Variants in CMSS1 observed in about 807,000 individuals in gnomAD.
CMSS1 encodes cms1 ribosomal small subunit homolog.
Under a neutral mutation model 43.5 loss-of-function variants are expected in CMSS1, and 33 were observed. The observed-to-expected ratio is 0.76, with a 90% CI of 0.57 to 1.01. The LOEUF (loss-of-function observed/expected upper bound fraction) is 1.01. Among genes scored for constraint, CMSS1 ranks in the 50% least tolerant of loss-of-function variants. CMSS1 has a pLI of 0.00. For missense variants in CMSS1, 313 were observed against 326.4 expected (o/e 0.96, Z 0.32); for synonymous variants, 115 against 117.2 (o/e 0.98, Z 0.12).
In CMSS1 at chr3:100,140,653, G is replaced by A. The variant is rs1221815609; in HGVS notation, c.65-6320G>A. 7.9e-5 allele frequency among the ~76,000 whole-genome samples: 12 copies of A among 152,146 alleles called. No homozygotes were observed. In the East Asian group the frequency reaches 2.1e-3, roughly 27 times the overall value. On this transcript the variant is annotated intron_variant, in intron 1 of 9. Transcript: ENST00000421999. ...AGGCGTGAGCTACAACCCCTAGCCT[G>A]TTGTTCTTAACTGTGAGAACTAATA...
rs150649329 is a variant in CMSS1, at chr3:99,949,804, A to G, written c.64+131761A>G. On this transcript the variant is annotated intron_variant, in intron 1 of 9. Coordinates refer to ENST00000421999, the MANE Select transcript of CMSS1 (RefSeq NM_032359.4). ...CTTCTAAGTTCTGAGAATCAGAATG[A>G]GACTTACATGTAGAAATAATTCTTT... Among the ~76,000 whole-genome samples, 1,101 of 152,334 alleles carry G rather than the reference A, an allele frequency of 7.2e-3. 18 individuals are homozygous for G. Among genetic ancestry groups the G allele is most frequent in the African/African-American group, 0.024 (1,014 of 41,564 alleles).
chr3:99,845,675 G>C (rs1220575331), intron 1 of CMSS1, among the ~76,000 whole-genome samples: 2 of 151,968 alleles, frequency 1.3e-5, no homozygotes, highest in African/African-American at 2.4e-5. Flanking sequence ...AAAATTAAAG[G>C]CCAGAAATCT....
chr3:99,868,714 G>C (rs1259658410), intron 1 of CMSS1, among the ~76,000 whole-genome samples: 1 of 152,088 alleles, frequency 6.6e-6, no homozygotes, highest in Non-Finnish European at 1.5e-5. Context: ...TTTCATAATA[G>C]ACTTCTGAAG....
At chr3:99,969,326 T>G (rs1451248139) in intron 1 of CMSS1, among the ~76,000 whole-genome samples, 1 of 152,156 alleles carries the variant, frequency 6.6e-6, no homozygotes, top group Non-Finnish European at 1.5e-5. Flanking sequence ...ATATGACAGT[T>G]TGGTAACATT....
chr3:100,162,492 TTAGG>T (rs1392276311), intron 4 of CMSS1, 60 bp downstream of exon 4: 1 of 1,555,604 alleles, frequency 6.4e-7, no homozygotes, highest in Non-Finnish European at 8.7e-7. Context: ...TCTGTTATGG[TTAGG>T]TGTCTCAGGC....
chr3:100,155,373 C>G (rs2066962496), intron 2 of CMSS1, among the ~76,000 whole-genome samples: 1 of 152,188 alleles, frequency 6.6e-6, no homozygotes, highest in South Asian at 2.1e-4. Flanking sequence ...ATTTGCCTGG[C>G]TTACTCTGTT....
chr3:99,872,269 C>CTCTGTGTGTGTGTGTG (rs1457646701), intron 1 of CMSS1, among the ~76,000 whole-genome samples: 1 of 110,740 alleles, frequency 9.0e-6, no homozygotes, highest in Non-Finnish European at 1.9e-5. Flanking sequence ...TGTGCCAGGA[C>CTCTGTGTGTGTGTGTG]TGTGTGTGTG....
chr3:100,175,025 CTATAT>C (rs1223694888), intron 8 of CMSS1, among the ~76,000 whole-genome samples: 1 of 152,132 alleles, frequency 6.6e-6, no homozygotes, highest in Non-Finnish European at 1.5e-5. Context: ...TTTTCACTTG[CTATAT>C]CTCATGAGGA....
chr3:100,171,948 T>G (rs370887143), intron 7 of CMSS1, 49 bp downstream of exon 7: 2 of 1,409,310 alleles, frequency 1.4e-6, no homozygotes, highest in African/African-American at 1.4e-5. Flanking sequence ...AGACCTCAGC[T>G]TTTTTCCTTT....
Position 100,115,560 on chromosome 3 carries a change from T to G in CMSS1, c.65-31413T>G, listed in dbSNP as rs192653762. Among the ~76,000 whole-genome samples, 683 of 125,502 alleles carry G rather than the reference T, an allele frequency of 5.4e-3. 5 individuals are homozygous for G. Among genetic ancestry groups the G allele is most frequent in the African/African-American group, 0.022 (669 of 30,448 alleles). 82.3% of individuals were successfully genotyped at this position (125,502 alleles called of 152,430 possible). ...TGTATTCTCCCTCTCTTTCTCTTTC[T>G]CTCTCTCTCTCTCTGTCTCTCTCTC... On this transcript the variant is annotated intron_variant, in intron 1 of 9. Transcript: ENST00000421999.
chr3:100,050,295 T>C (rs1559739547), intron 1 of CMSS1, among the ~76,000 whole-genome samples: 3 of 152,210 alleles, frequency 2.0e-5, no homozygotes, highest in Non-Finnish European at 4.4e-5. Flanking sequence ...TGCCCTCTAA[T>C]GAGTCAGGAA....
At chr3:100,033,237 C>CCAGGTT (rs1559733145) in intron 1 of CMSS1, among the ~76,000 whole-genome samples, 8 of 152,130 alleles carry the variant, frequency 5.3e-5, no homozygotes, top group Admixed American at 2.0e-4. Context: ...GTTTATGTGT[C>CCAGGTT]CATTGACTGC....
chr3:100,104,486 CTG>C (rs2107463732), intron 1 of CMSS1, among the ~76,000 whole-genome samples: 1 of 152,224 alleles, frequency 6.6e-6, no homozygotes, highest in East Asian at 1.9e-4. Flanking sequence ...TTAAATAAAA[CTG>C]TTAGCAGTTC....
At chr3:99,915,375 C>T (rs1010933143) in intron 1 of CMSS1, among the ~76,000 whole-genome samples, 2 of 152,066 alleles carry the variant, frequency 1.3e-5, no homozygotes, top group African/African-American at 4.8e-5. Flanking sequence ...AAAGTAAGCC[C>T]GCTTACCTTA....
intron 1 of CMSS1, among the ~76,000 whole-genome samples, chr3:99,991,393 A>G (rs961104777): frequency 1.3e-5 from 2 of 152,116 alleles, no homozygotes; most frequent in Non-Finnish European, 2.9e-5. Context: ...GTATATTCCT[A>G]TTGTTGAAAA....
At chr3:100,093,566 T>G (rs2066150524) in intron 1 of CMSS1, among the ~76,000 whole-genome samples, 1 of 152,170 alleles carries the variant, frequency 6.6e-6, no homozygotes, top group Non-Finnish European at 1.5e-5. Flanking sequence ...TTCAACCAGT[T>G]TCCTCCAATG....
chr3:99,979,773 G>C (rs1198210457), intron 1 of CMSS1, among the ~76,000 whole-genome samples: 2 of 152,138 alleles, frequency 1.3e-5, no homozygotes, highest in Admixed American at 1.3e-4. Flanking sequence ...GATATAAAGA[G>C]GAATGGGACA....
chr3:99,837,250 A>G (rs573143882), intron 1 of CMSS1, among the ~76,000 whole-genome samples: 4 of 152,294 alleles, frequency 2.6e-5, no homozygotes, highest in African/African-American at 4.8e-5. Flanking sequence ...AGGAATAACT[A>G]TCTGCCTCTT....
intron 1 of CMSS1, among the ~76,000 whole-genome samples, chr3:99,920,703 C>T (rs1280849092): frequency 6.6e-6 from 1 of 151,094 alleles, no homozygotes; most frequent in African/African-American, 2.4e-5. Context: ...TTACTGATTA[C>T]GACAGCGACA....
Sources: allele counts gnomAD v4.1 joint callset (sites outside exome capture counted in the v4.1 genomes callset), GRCh38; gene constraint gnomAD v4.1.1; transcripts MANE v1.5; gene names NCBI Gene and HGNC (gene_info 2026-07-23, HGNC 2026-07-21).